Variants in DOCK5 observed in about 807,000 individuals in gnomAD.
DOCK5 encodes the protein dedicator of cytokinesis protein 5.
Under a neutral mutation model 251.8 loss-of-function variants are expected in DOCK5, and 142 were observed. The ratio of observed to expected loss-of-function variants is 0.56; its 90% confidence interval spans 0.49 to 0.65. The LOEUF (loss-of-function observed/expected upper bound fraction) is 0.65. Among genes scored for constraint, DOCK5 ranks in the 30% least tolerant of loss-of-function variants. The pLI, the probability that DOCK5 is intolerant of heterozygous loss-of-function variation, is 0.00. For synonymous variants in DOCK5, 842 were observed against 835.5 expected, an observed-to-expected ratio of 1.01 and a Z score of -0.13; for missense variants, 2,111 against 2,312.3, an observed-to-expected ratio of 0.91 and a Z score of 1.79.
At chr8:25,271,823 C>T (rs1039213339) in intron 3 of DOCK5, among the ~76,000 whole-genome samples, 1 of 152,144 alleles carries the variant, frequency 6.6e-6, no homozygotes, top group Admixed American at 6.5e-5. Context: ...CCTAGGTTTA[C>T]TCTGACTTTC....
intron 5 of DOCK5, among the ~76,000 whole-genome samples, chr8:25,287,683 T>C (rs891327385): frequency 2.6e-5 from 4 of 152,122 alleles, no homozygotes; most frequent in South Asian, 2.1e-4. Flanking sequence ...TTGTGCTCTT[T>C]TGTGGAGAGG....
At chr8:25,296,445 A>T (rs766134056) in intron 6 of DOCK5, 68 bp from the exon 7 acceptor site, 6 of 1,551,258 alleles carry the variant, frequency 3.9e-6, no homozygotes, top group Admixed American at 1.9e-5. Context: ...GGGCTCCTTG[A>T]CAAGGACTCC....
intron 48 of DOCK5, among the ~76,000 whole-genome samples, chr8:25,404,458 G>A (rs1341169341): frequency 3.3e-5 from 5 of 152,060 alleles, no homozygotes; most frequent in Non-Finnish European, 7.4e-5. Flanking sequence ...GGATATTTGC[G>A]TTATACCTGT....
intron 48 of DOCK5, among the ~76,000 whole-genome samples, chr8:25,407,055 A>G (rs981355463): frequency 6.8e-6 from 1 of 146,684 alleles, no homozygotes; most frequent in Non-Finnish European, 1.6e-5. Flanking sequence ...TTTCTAAACA[A>G]TTAACCATAA....
At chr8:25,357,455 T>G (rs1002381760) in intron 27 of DOCK5, among the ~76,000 whole-genome samples, 1 of 145,170 alleles carries the variant, frequency 6.9e-6, no homozygotes, top group Non-Finnish European at 1.5e-5. Flanking sequence ...CTCGGCTCAC[T>G]GCGTCTCTGC....
At chr8:25,193,084 C>T (rs1022414742) in intron 1 of DOCK5, among the ~76,000 whole-genome samples, 3 of 152,140 alleles carry the variant, frequency 2.0e-5, no homozygotes, top group Non-Finnish European at 4.4e-5. Flanking sequence ...AGTATAGTGT[C>T]CATTCTCATT....
chr8:25,304,004 A>C (rs1378223478), intron 10 of DOCK5, among the ~76,000 whole-genome samples: 1 of 152,178 alleles, frequency 6.6e-6, no homozygotes, highest in Non-Finnish European at 1.5e-5. Flanking sequence ...GATCTTGTAG[A>C]GTTTTTAAAG....
intron 1 of DOCK5, among the ~76,000 whole-genome samples, chr8:25,197,750 A>AATTTTT (rs1801769545): frequency 1.0e-5 from 1 of 95,762 alleles, no homozygotes; most frequent in African/African-American, 3.7e-5. Context: ...TGCCAAGCTA[A>AATTTTT]TTTTTTTTTT....
chr8:25,270,599 G>A (rs1225766383), intron 3 of DOCK5, among the ~76,000 whole-genome samples: 1 of 152,130 alleles, frequency 6.6e-6, no homozygotes, highest in Non-Finnish European at 1.5e-5. Context: ...ACAAAATTAT[G>A]TGATGAACTT....
intron 48 of DOCK5, among the ~76,000 whole-genome samples, chr8:25,405,732 A>C (rs995733338): frequency 6.6e-6 from 1 of 152,258 alleles, no homozygotes; most frequent in East Asian, 1.9e-4. Context: ...TTTGATGCTG[A>C]GGCTTCCTTG....
chr8:25,276,112 T>A (rs1804038890), intron 4 of DOCK5, among the ~76,000 whole-genome samples: 1 of 152,130 alleles, frequency 6.6e-6, no homozygotes, highest in Non-Finnish European at 1.5e-5. Flanking sequence ...CTCTGACTGA[T>A]AAGATCTGAG....
chr8:25,270,813 A>C, intron 3 of DOCK5: 1 of 713,300 alleles, frequency 1.4e-6, no homozygotes, highest in South Asian at 1.5e-5. Context: ...GGACCCCCAC[A>C]ATACCGAAAT....
chr8:25,331,797 TATATAG>T (rs1234338799), intron 18 of DOCK5, among the ~76,000 whole-genome samples: 23 of 40,076 alleles, frequency 5.7e-4, no homozygotes, highest in African/African-American at 1.2e-3. Flanking sequence ...TATATATATA[TATATAG>T]AGAGAGAGAG....
chr8:25,275,290 T>A (rs1350359813), intron 3 of DOCK5, 96 bp from the exon 4 acceptor site: 1 of 974,286 alleles, frequency 1.0e-6, no homozygotes, highest in East Asian at 2.7e-5. Flanking sequence ...ATTGCCTGGG[T>A]GTTCCCATTT....
At chr8:25,280,790 T>C (rs986493072) in intron 5 of DOCK5, among the ~76,000 whole-genome samples, 2 of 152,154 alleles carry the variant, frequency 1.3e-5, no homozygotes, top group African/African-American at 4.8e-5. Flanking sequence ...GTGGCCTTCA[T>C]TGATCATCTT....
At chr8:25,283,443 A>T (rs1804252792) in intron 5 of DOCK5, among the ~76,000 whole-genome samples, 1 of 152,112 alleles carries the variant, frequency 6.6e-6, no homozygotes. Context: ...GCAAAAGTTG[A>T]TGTAAAAGCT....
In DOCK5 at chr8:25,377,311, G is replaced by T. The variant is rs369716272; in HGVS notation, c.3823G>T (p.Asp1275Tyr). 6.2e-7 allele frequency: 1 copy of T among 1,612,220 alleles called. No individual in the cohort carries two copies. The highest frequency in any genetic ancestry group is 1.1e-5 in the South Asian group (1 of 90,918). The change falls in exon 38 of 52, where the codon GAC (aspartate) becomes TAC (tyrosine). Residue 1275 changes from aspartate to tyrosine, a missense_variant. Asp to Tyr is a radical substitution (Grantham distance 160). This residue lies in a region of DOCK5 where 1,717 missense variants were observed against 1,892.4 expected (regional missense o/e 0.91). Transcript: ENST00000276440. Reference protein sequence around the residue: ...LLHAELLQWSDKPCVPHLLQK... With the variant: ...LLHAELLQWSYKPCVPHLLQK... Reference sequence around the variant, plus strand: ...CGCTTTTCTTCCTTTTCAGTGGTCTGACAAGCCCTGTGTGCCTCATTTGCT... The same window carrying T: ...CGCTTTTCTTCCTTTTCAGTGGTCTTACAAGCCCTGTGTGCCTCATTTGCT...
Position 25,410,129 on chromosome 8 carries a change from C to A in DOCK5, c.5435C>A (p.Ala1812Glu), listed in dbSNP as rs371858823. ...SSPSLQTDGIAATPVPPPPPP... is the reference protein window; with the variant it reads ...SSPSLQTDGIEATPVPPPPPP... Reference sequence around the variant, plus strand: ...CCATCGTTGCAGACAGATGGAATCGCGGCCACTCCTGTCCCACCTCCACCT... The same window carrying A: ...CCATCGTTGCAGACAGATGGAATCGAGGCCACTCCTGTCCCACCTCCACCT... The change falls in exon 51 of 52, where the codon GCG (alanine) becomes GAG (glutamate). Residue 1812 changes from alanine (A) to glutamate (E), a missense_variant. Ala to Glu is a moderately radical substitution (Grantham distance 107, BLOSUM62 -1). Around this residue, in one of 3 missense-constraint regions of DOCK5, gnomAD observed 1,717 missense variants for 1,892.4 expected, o/e 0.91. Coordinates refer to ENST00000276440, the MANE Select transcript of DOCK5 (RefSeq NM_024940.8). The A allele has an allele frequency of 6.8e-6, 11 of 1,613,390 alleles. No individual in the cohort carries two copies. In the South Asian group the frequency reaches 1.1e-4, roughly 16 times the overall value.
chr8:25,302,251 G>A, intron 9 of DOCK5, 74 bp from the exon 10 acceptor site: 1 of 1,503,454 alleles, frequency 6.7e-7, no homozygotes, highest in Non-Finnish European at 8.9e-7. Flanking sequence ...TGTTGTAGAG[G>A]GTAAAGAAAA....
Sources: allele counts gnomAD v4.1 joint callset (sites outside exome capture counted in the v4.1 genomes callset), GRCh38; gene constraint gnomAD v4.1.1; regional missense constraint gnomAD v4.1.1; transcripts MANE v1.5; gene names NCBI Gene and HGNC (gene_info 2026-07-23, HGNC 2026-07-21).